Variants in RSU1 observed in about 807,000 individuals in gnomAD.
The protein encoded by RSU1 is Ras suppressor protein 1, also known as rsu-1.
RSU1 carries 26 observed loss-of-function variants against 31.1 expected under a neutral mutation model. The observed-to-expected ratio is 0.84, with a 90% CI of 0.61 to 1.16. RSU1 has a LOEUF of 1.16. Ranked by LOEUF, RSU1 falls within the 50% of genes most tolerant of loss-of-function variation. RSU1 has a pLI of 0.00. For missense variants in RSU1, 320 were observed against 339.1 expected (o/e 0.94, Z 0.44); for synonymous variants, 164 against 136.3 (o/e 1.20, Z -1.41).
At chr10:16,751,106 A>G (rs1588511664) in intron 7 of RSU1, among the ~76,000 whole-genome samples, 1 of 152,074 alleles carries the variant, frequency 6.6e-6, no homozygotes, top group Non-Finnish European at 1.5e-5. Flanking sequence ...GGCTCAAGCT[A>G]TCCGCCTGCT....
intron 4 of RSU1, among the ~76,000 whole-genome samples, chr10:16,759,011 CA>C (rs896938092): frequency 6.6e-6 from 1 of 152,174 alleles, no homozygotes; most frequent in South Asian, 2.1e-4. Flanking sequence ...CAGGGGGTTT[CA>C]GGCTATTTCA....
intron 4 of RSU1, among the ~76,000 whole-genome samples, chr10:16,758,370 T>A (rs931420972): frequency 1.3e-5 from 2 of 152,216 alleles, no homozygotes; most frequent in Admixed American, 6.5e-5. Context: ...GGTGCTAACA[T>A]CCATCTCCAT....
intron 8 of RSU1, among the ~76,000 whole-genome samples, chr10:16,660,558 ACT>A (rs1353953726): frequency 7.2e-6 from 1 of 139,406 alleles, no homozygotes; most frequent in African/African-American, 2.7e-5. Context: ...CCTATGTCTT[ACT>A]CTCTCTTTAC....
intron 8 of RSU1, among the ~76,000 whole-genome samples, chr10:16,624,946 T>A (rs1834130240): frequency 6.6e-6 from 1 of 152,158 alleles, no homozygotes; most frequent in Non-Finnish European, 1.5e-5. Context: ...CAGTTCTTAA[T>A]TAAGAACTCT....
At chr10:16,663,647 C>T (rs1834929855) in intron 8 of RSU1, among the ~76,000 whole-genome samples, 1 of 152,178 alleles carries the variant, frequency 6.6e-6, no homozygotes, top group Non-Finnish European at 1.5e-5. Flanking sequence ...AGTACAACTA[C>T]ATGTGTCGTC....
intron 8 of RSU1, among the ~76,000 whole-genome samples, chr10:16,616,916 T>C (rs73601029): frequency 0.019 from 2,920 of 150,780 alleles, 91 homozygotes; most frequent in African/African-American, 0.067. Context: ...ACTGAACGGG[T>C]ATTCCCTTTG....
At chr10:16,679,634 C>G (rs1193918378) in intron 8 of RSU1, among the ~76,000 whole-genome samples, 1 of 152,128 alleles carries the variant, frequency 6.6e-6, no homozygotes, top group Non-Finnish European at 1.5e-5. Flanking sequence ...GACAAGGCAG[C>G]ACACGTGGAC....
chr10:16,610,023 A>G (rs1457462082), intron 8 of RSU1, among the ~76,000 whole-genome samples: 2 of 152,230 alleles, frequency 1.3e-5, no homozygotes, highest in Admixed American at 6.5e-5. Context: ...TTTTAATATC[A>G]TATTTTATTT....
chr10:16,640,007 T>A (rs1834413767), intron 8 of RSU1, among the ~76,000 whole-genome samples: 1 of 152,186 alleles, frequency 6.6e-6, no homozygotes, highest in South Asian at 2.1e-4. Flanking sequence ...TGGGAACCGA[T>A]CTAGCATTGG....
chr10:16,758,838 C>T (rs1837147948), intron 4 of RSU1, among the ~76,000 whole-genome samples: 1 of 152,186 alleles, frequency 6.6e-6, no homozygotes, highest in Non-Finnish European at 1.5e-5. Flanking sequence ...TCTATTTGTG[C>T]CACACTTGGT....
intron 7 of RSU1, among the ~76,000 whole-genome samples, chr10:16,715,149 C>A (rs1299017440): frequency 2.0e-5 from 3 of 152,178 alleles, no homozygotes; most frequent in Non-Finnish European, 2.9e-5. Flanking sequence ...CAGCATACTT[C>A]CTCGTCACTC....
chr10:16,799,920 CA>C (rs1240076336), intron 2 of RSU1, among the ~76,000 whole-genome samples: 1 of 152,128 alleles, frequency 6.6e-6, no homozygotes, highest in Non-Finnish European at 1.5e-5. Context: ...GAGATCTAAG[CA>C]CAGGATTACA....
At chr10:16,717,876 AG>A in intron 7 of RSU1, among the ~76,000 whole-genome samples, 1 of 152,222 alleles carries the variant, frequency 6.6e-6, no homozygotes, top group African/African-American at 2.4e-5. Flanking sequence ...GTGAAAGTGG[AG>A]ATCTACCACA....
At chr10:16,785,455 TATAC>T (rs1179793240) in intron 2 of RSU1, among the ~76,000 whole-genome samples, 2 of 118,324 alleles carry the variant, frequency 1.7e-5, no homozygotes, top group Non-Finnish European at 3.3e-5. Flanking sequence ...TATATACATA[TATAC>T]ATATATATAT....
At chr10:16,784,899 C>A (rs1234640429) in intron 2 of RSU1, among the ~76,000 whole-genome samples, 4 of 152,154 alleles carry the variant, frequency 2.6e-5, no homozygotes, top group Non-Finnish European at 5.9e-5. Context: ...CAAACCATAT[C>A]ACATGGCCAG....
chr10:16,797,860 T>C (rs544976249), intron 2 of RSU1, among the ~76,000 whole-genome samples: 9 of 139,800 alleles, frequency 6.4e-5, no homozygotes, highest in African/African-American at 1.9e-4. Flanking sequence ...TTTCTTCTTT[T>C]TTTTTTTTTT....
intron 3 of RSU1, among the ~76,000 whole-genome samples, chr10:16,772,213 G>A (rs563406414): frequency 1.3e-5 from 2 of 152,274 alleles, no homozygotes; most frequent in African/African-American, 4.8e-5. Context: ...GATTTTAGAG[G>A]ATAAAGCCAA....
chr10:16,664,442 A>G (rs45446902), intron 8 of RSU1, among the ~76,000 whole-genome samples: 3,270 of 152,316 alleles, frequency 0.021, 72 homozygotes, highest in East Asian at 0.12. Context: ...AGTGTTACAT[A>G]CTGCCTAAAA....
chr10:16,775,928 A>G lies in RSU1; in HGVS notation c.160+6106T>C, dbSNP rs184177098. Among the ~76,000 whole-genome samples, 1,039 of 152,382 alleles carry G rather than the reference A, an allele frequency of 6.8e-3. 4 individuals are homozygous for G. Among genetic ancestry groups the G allele is most frequent in the Non-Finnish European group, 0.011 (759 of 68,042 alleles). On this transcript the variant is annotated intron_variant, in intron 3 of 8. Coordinates refer to ENST00000345264, the MANE Select transcript of RSU1 (RefSeq NM_012425.4). ...TACACTCTGTTAAAATGCGAACAGC[A>G]AGTTGTTTTGATATTGTCACAAGAT...
Sources: allele counts gnomAD v4.1 joint callset (sites outside exome capture counted in the v4.1 genomes callset), GRCh38; gene constraint gnomAD v4.1.1; transcripts MANE v1.5; gene names NCBI Gene and HGNC (gene_info 2026-07-23, HGNC 2026-07-21).